STK39: variants seen among roughly 807,000 people sequenced by gnomAD.
The protein encoded by STK39 is STE20/SPS1-related proline-alanine-rich protein kinase.
STK39 carries 20 observed loss-of-function variants against 77.8 expected under a neutral mutation model. The ratio of observed to expected loss-of-function variants is 0.26; its 90% CI spans 0.18 to 0.37. The LOEUF is 0.37. Ranked by LOEUF, STK39 falls within the 10% of genes least tolerant of loss-of-function variation. The pLI is 1.00. For synonymous variants in STK39, 246 were observed against 234.1 expected (o/e 1.05, Z -0.47); for missense variants, 479 against 656.5 (o/e 0.73, Z 2.95).
intron 10 of STK39, among the ~76,000 whole-genome samples, chr2:168,090,171 G>C (rs372849328): frequency 2.0e-5 from 3 of 152,180 alleles, no homozygotes; most frequent in Admixed American, 6.5e-5. Flanking sequence ...AAATGTTCTA[G>C]CATATAAGAA....
At chr2:168,025,746 A>G (rs1454475232) in intron 14 of STK39, among the ~76,000 whole-genome samples, 1 of 152,232 alleles carries the variant, frequency 6.6e-6, no homozygotes, top group African/African-American at 2.4e-5. Context: ...AGGAACCTAC[A>G]AATGAAGGCC....
At chr2:167,981,345 T>TGATCCCTA (rs1683412502) in intron 16 of STK39, among the ~76,000 whole-genome samples, 1 of 152,250 alleles carries the variant, frequency 6.6e-6, no homozygotes, top group Admixed American at 6.5e-5. Flanking sequence ...GATCACACTG[T>TGATCCCTA]AAGTGGCACT....
intron 8 of STK39, among the ~76,000 whole-genome samples, chr2:168,130,102 A>G (rs530539808): frequency 6.6e-6 from 1 of 152,298 alleles, no homozygotes; most frequent in South Asian, 2.1e-4. Flanking sequence ...TTATTAAGAA[A>G]CCATACAAGC....
chr2:168,049,861 G>A (rs1685348629), intron 14 of STK39, among the ~76,000 whole-genome samples: 1 of 152,168 alleles, frequency 6.6e-6, no homozygotes, highest in Admixed American at 6.5e-5. Context: ...TTGTAATAGT[G>A]AAGCGTTAGA....
intron 16 of STK39, among the ~76,000 whole-genome samples, chr2:167,999,709 AC>A (rs1347311673): frequency 2.6e-4 from 40 of 151,928 alleles, no homozygotes; most frequent in African/African-American, 9.4e-4. Context: ...TGATCCACCC[AC>A]CTCGGCCTCC....
chr2:168,122,922 T>C (rs941906910), intron 10 of STK39, among the ~76,000 whole-genome samples: 1 of 152,204 alleles, frequency 6.6e-6, no homozygotes, highest in Non-Finnish European at 1.5e-5. Flanking sequence ...TGAATGTAAA[T>C]AAATCCATCC....
intron 16 of STK39, among the ~76,000 whole-genome samples, chr2:167,971,511 G>T (rs1378218747): frequency 6.6e-6 from 1 of 152,082 alleles, no homozygotes; most frequent in Non-Finnish European, 1.5e-5. Context: ...CAAGAGAAAA[G>T]CCAATATTTT....
intron 12 of STK39, among the ~76,000 whole-genome samples, chr2:168,066,363 C>T (rs958598690): frequency 6.6e-6 from 1 of 152,078 alleles, no homozygotes; most frequent in African/African-American, 2.4e-5. Context: ...AGGTATACGG[C>T]GTTCACTATA....
At chr2:168,023,536 A>C (rs1303766765) in intron 14 of STK39, among the ~76,000 whole-genome samples, 1 of 152,134 alleles carries the variant, frequency 6.6e-6, no homozygotes, top group South Asian at 2.1e-4. Flanking sequence ...TGTCAGGACA[A>C]TCTGACAGAG....
chr2:168,214,428 CA>C (rs1330889510), intron 1 of STK39, among the ~76,000 whole-genome samples: 2 of 151,712 alleles, frequency 1.3e-5, no homozygotes, highest in African/African-American at 4.8e-5. Flanking sequence ...TGTTTAATTC[CA>C]TTTGTATTCT....
At position 168,017,128 on chromosome 2, in the gene STK39, T is replaced by C. The variant is rs867233454; in HGVS notation, c.1377-33A>G. The C allele has an allele frequency of 2.0e-6, 3 of 1,492,902 alleles. No individual in the cohort carries two copies. In the African/African-American group the frequency reaches 4.2e-5, roughly 21 times the overall value. The allele number at this position is 1,492,902 out of a possible 1,614,324, so 92.5% of individuals were successfully genotyped here. On this transcript the variant is annotated intron_variant, in intron 14 of 17. Coordinates refer to ENST00000355999, the MANE Select transcript of STK39 (RefSeq NM_013233.3). ...ACATAACATATAATACATTAAAGTC[T>C]AGGGAAGCAGAGTTTAGTCGAACTA... is the stretch of plus-strand genomic sequence containing the variant.
intron 1 of STK39, 138 bp from the exon 2 acceptor site, chr2:168,182,228 T>A: frequency 1.6e-6 from 1 of 624,054 alleles, no homozygotes; most frequent in Non-Finnish European, 2.8e-6. Flanking sequence ...ACATCTTTTT[T>A]TTAAAGAGTT....
At chr2:167,986,060 T>C (rs1161723047) in intron 16 of STK39, among the ~76,000 whole-genome samples, 3 of 152,204 alleles carry the variant, frequency 2.0e-5, no homozygotes, top group Non-Finnish European at 4.4e-5. Context: ...ACCTGTTATA[T>C]GTACATGGCC....
chr2:168,092,873 G>A (rs1686561503), intron 10 of STK39, among the ~76,000 whole-genome samples: 1 of 152,220 alleles, frequency 6.6e-6, no homozygotes, highest in Non-Finnish European at 1.5e-5. Context: ...AAGAGAATCA[G>A]TTCTTGAGTT....
rs559903110 is a variant in STK39, at chr2:168,035,941, T to C, written c.1377-18846A>G. 5.3e-5 allele frequency among the ~76,000 whole-genome samples: 8 copies of C among 152,206 alleles called. No individual in the cohort carries two copies. The East Asian group carries it at 1.2e-3, about 22-fold the overall frequency. On this transcript the variant is annotated intron_variant, in intron 14 of 17. Coordinates refer to ENST00000355999, the MANE Select transcript of STK39 (RefSeq NM_013233.3). ...AAGCACAAAGGAGACACTTATACTA[T>C]AAAGCAAGCAGTAAGAGAACCAAGA...
At chr2:168,047,631 GAA>G (rs1490523683) in intron 14 of STK39, among the ~76,000 whole-genome samples, 2 of 152,192 alleles carry the variant, frequency 1.3e-5, no homozygotes, top group African/African-American at 4.8e-5. Flanking sequence ...AGTAGGGACT[GAA>G]AAGTCATCTT....
At chr2:168,034,989 A>G (rs1222474836) in intron 14 of STK39, among the ~76,000 whole-genome samples, 1 of 152,226 alleles carries the variant, frequency 6.6e-6, no homozygotes. Context: ...TGAACAGAGA[A>G]GTGAAAAGGC....
At chr2:167,966,197 G>T (rs1444106080) in intron 16 of STK39, among the ~76,000 whole-genome samples, 1 of 151,976 alleles carries the variant, frequency 6.6e-6, no homozygotes, top group Non-Finnish European at 1.5e-5. Context: ...AGTTATCATC[G>T]CAAAGCTTCC....
chr2:168,030,771 G>A (rs1684814637), intron 14 of STK39, among the ~76,000 whole-genome samples: 1 of 152,186 alleles, frequency 6.6e-6, no homozygotes, highest in South Asian at 2.1e-4. Flanking sequence ...TGACCCTTGG[G>A]CAGAGCCACT....
Sources: allele counts gnomAD v4.1 joint callset (sites outside exome capture counted in the v4.1 genomes callset), GRCh38; gene constraint gnomAD v4.1.1; transcripts MANE v1.5; gene names NCBI Gene and HGNC (gene_info 2026-07-23, HGNC 2026-07-21).